BIN3: variants seen among roughly 807,000 people sequenced by gnomAD.
The protein encoded by BIN3 is bridging integrator 3.
A neutral mutation model predicts 38.2 loss-of-function variants in BIN3; 41 were observed. The ratio of observed to expected loss-of-function variants is 1.07; its 90% confidence interval spans 0.84 to 1.39. The LOEUF is 1.39. Among genes scored for constraint, BIN3 ranks in the 40% most tolerant of loss-of-function variants. The pLI, the probability that BIN3 is intolerant of heterozygous loss-of-function variation, is 0.00. For missense variants in BIN3, 361 were observed against 324.3 expected (o/e 1.11, Z -0.87); for synonymous variants, 145 against 122.6 (o/e 1.18, Z -1.21).
intron 6 of BIN3, 149 bp downstream of exon 6, chr8:22,629,815 G>A: frequency 1.3e-6 from 1 of 782,878 alleles, no homozygotes; most frequent in African/African-American, 1.7e-5. Context: ...TTAGGCCACA[G>A]GTCACAGAGC....
At chr8:22,640,418 G>A (rs1006889175) in intron 2 of BIN3, among the ~76,000 whole-genome samples, 3 of 150,158 alleles carry the variant, frequency 2.0e-5, no homozygotes, top group African/African-American at 4.9e-5. Context: ...TGAACTCCTG[G>A]CCTCAAGTGA....
At chr8:22,629,392 C>T (rs546929041) in intron 6 of BIN3, among the ~76,000 whole-genome samples, 11 of 152,332 alleles carry the variant, frequency 7.2e-5, no homozygotes, top group African/African-American at 2.6e-4. Context: ...GGGAATAGGC[C>T]TGTCTGATCA....
In BIN3 at chr8:22,663,431, C is replaced by T. The variant is rs550029525; in HGVS notation, c.8+5613G>A. On this transcript the variant is annotated intron_variant, in intron 1 of 8. Coordinates refer to ENST00000276416, the MANE Select transcript of BIN3 (RefSeq NM_018688.6). ...CAGCCTGGGCAACAGTGAGACCCCCCGATTTGTTTAAAAAAAAAAAAAAAA... is the reference window on the plus strand; with the variant it reads ...CAGCCTGGGCAACAGTGAGACCCCCTGATTTGTTTAAAAAAAAAAAAAAAA... Among the ~76,000 whole-genome samples, 4 of 127,746 alleles carry T rather than the reference C, an allele frequency of 3.1e-5. No individual in the cohort carries two copies. The East Asian group carries it at 7.3e-4, about 23-fold the overall frequency. 83.8% of individuals were successfully genotyped at this position (127,746 alleles called of 152,430 possible).
intron 8 of BIN3, 47 bp downstream of exon 8, chr8:22,623,868 T>A (rs762124387): frequency 6.3e-7 from 1 of 1,590,730 alleles, no homozygotes; most frequent in Non-Finnish European, 8.6e-7. Context: ...GGGAGTGGCA[T>A]GAGCTGTGTA....
chr8:22,655,032 C>A (rs1163609809), intron 1 of BIN3, among the ~76,000 whole-genome samples: 1 of 152,190 alleles, frequency 6.6e-6, no homozygotes, highest in African/African-American at 2.4e-5. Context: ...GGTAGTATTT[C>A]TGATGTGCAT....
chr8:22,643,817 G>A (rs537293154), intron 2 of BIN3, among the ~76,000 whole-genome samples: 6 of 152,356 alleles, frequency 3.9e-5, no homozygotes, highest in Admixed American at 2.0e-4. Context: ...GGCCTCTGCC[G>A]CCAGCACAGC....
At chr8:22,665,474 A>G (rs2117606967) in intron 1 of BIN3, among the ~76,000 whole-genome samples, 1 of 152,364 alleles carries the variant, frequency 6.6e-6, no homozygotes, top group South Asian at 2.1e-4. Context: ...GATGAAGGTC[A>G]GAAGAGCGGC....
At chr8:22,648,674 C>T (rs979225120) in intron 1 of BIN3, among the ~76,000 whole-genome samples, 2 of 152,130 alleles carry the variant, frequency 1.3e-5, no homozygotes, top group Non-Finnish European at 2.9e-5. Context: ...AGTTACTCTC[C>T]CTTCTCCCTT....
intron 6 of BIN3, among the ~76,000 whole-genome samples, chr8:22,628,355 A>G (rs1485156623): frequency 6.6e-6 from 1 of 152,082 alleles, no homozygotes; most frequent in Non-Finnish European, 1.5e-5. Context: ...GGTCCCTGGG[A>G]GCTTCTCTTC....
intron 6 of BIN3, among the ~76,000 whole-genome samples, chr8:22,629,131 G>C (rs1353733249): frequency 6.6e-6 from 1 of 152,238 alleles, no homozygotes; most frequent in Non-Finnish European, 1.5e-5. Flanking sequence ...CGAAACACCA[G>C]GGGCTGCAGG....
intron 1 of BIN3, among the ~76,000 whole-genome samples, chr8:22,647,633 T>C (rs1802753230): frequency 6.6e-6 from 1 of 152,216 alleles, no homozygotes; most frequent in Non-Finnish European, 1.5e-5. Context: ...TGGGAGGACG[T>C]TCGTGCTGAA....
intron 7 of BIN3, 46 bp downstream of exon 7, chr8:22,624,176 C>T (rs756287782): frequency 1.1e-5 from 18 of 1,597,324 alleles, no homozygotes; most frequent in Middle Eastern, 1.7e-4. Context: ...CAGGTGACCA[C>T]GATGGCCCAC....
At chr8:22,644,655 C>T in intron 2 of BIN3, 100 bp downstream of exon 2, 4 of 1,236,922 alleles carry the variant, frequency 3.2e-6, no homozygotes, top group Non-Finnish European at 4.6e-6. Flanking sequence ...AGGTTGCTGT[C>T]TTCCCAGCCC....
At chr8:22,650,336 T>A (rs530913228) in intron 1 of BIN3, among the ~76,000 whole-genome samples, 1 of 152,378 alleles carries the variant, frequency 6.6e-6, no homozygotes, top group South Asian at 2.1e-4. Flanking sequence ...TCAGGATTTT[T>A]TTCTTGGATT....
intron 1 of BIN3, among the ~76,000 whole-genome samples, chr8:22,649,251 A>G (rs1471473025): frequency 6.6e-6 from 1 of 152,098 alleles, no homozygotes; most frequent in East Asian, 1.9e-4. Flanking sequence ...TGGCTACCCC[A>G]CCTATATGGA....
intron 1 of BIN3, among the ~76,000 whole-genome samples, chr8:22,658,904 T>C (rs570570154): frequency 6.6e-6 from 1 of 152,272 alleles, no homozygotes; most frequent in African/African-American, 2.4e-5. Context: ...AGTCACTGTC[T>C]CGGCAAGAGC....
At chr8:22,639,271 G>T (rs1802463919) in intron 2 of BIN3, among the ~76,000 whole-genome samples, 1 of 148,380 alleles carries the variant, frequency 6.7e-6, no homozygotes, top group Non-Finnish European at 1.5e-5. Flanking sequence ...TTGCTCTGTT[G>T]CCCAGGCTGG....
At chr8:22,650,206 T>C in intron 1 of BIN3, among the ~76,000 whole-genome samples, 1 of 152,262 alleles carries the variant, frequency 6.6e-6, no homozygotes, top group East Asian at 1.9e-4. Flanking sequence ...CAATTCTGTA[T>C]ACTGTGTTCA....
rs773190630 is a variant in BIN3 at position 22,636,589 on chromosome 8, G to A, written c.99-3C>T. On this transcript the variant is annotated splice_polypyrimidine_tract_variant and splice_region_variant and intron_variant, in intron 3 of 8. Transcript: ENST00000276416. ...GCCTCCGGGTCTGCTCTTCCAGCCTGCAAGGCAGGGGACGGGCTGCTTGGG... is the reference window on the plus strand; with the variant it reads ...GCCTCCGGGTCTGCTCTTCCAGCCTACAAGGCAGGGGACGGGCTGCTTGGG... The A allele has an allele frequency of 8.4e-6, 13 of 1,551,674 alleles. No individual in the cohort carries two copies. In the African/African-American group the frequency reaches 1.2e-4, roughly 15 times the overall value.
Sources: gnomAD v4.1 joint callset for allele counts (sites outside exome capture counted in the v4.1 genomes callset) on GRCh38, gnomAD v4.1.1 for gene constraint, MANE v1.5 for transcripts, NCBI Gene and HGNC (gene_info 2026-07-23, HGNC 2026-07-21) for gene names.